Variants in CACNA2D3 observed in about 807,000 individuals in gnomAD.
CACNA2D3 encodes the protein calcium voltage-gated channel auxiliary subunit alpha2delta 3.
A neutral mutation model predicts 160.6 loss-of-function variants in CACNA2D3; 60 were observed. The observed-to-expected ratio is 0.37, with a 90% CI of 0.30 to 0.46. The LOEUF (loss-of-function observed/expected upper bound fraction) is 0.46. Among genes scored for constraint, CACNA2D3 ranks in the 20% least tolerant of loss-of-function variants. The pLI is 1.00. For missense variants in CACNA2D3, 1,205 were observed against 1,365.0 expected (o/e 0.88, Z 1.85); for synonymous variants, 558 against 492.9 (o/e 1.13, Z -1.75).
chr3:54,607,155 C>G (rs950348667), intron 9 of CACNA2D3, among the ~76,000 whole-genome samples: 2 of 152,116 alleles, frequency 1.3e-5, no homozygotes, highest in African/African-American at 4.8e-5. Flanking sequence ...AAGGGAGCCC[C>G]TGGGCAGAGG....
intron 13 of CACNA2D3, among the ~76,000 whole-genome samples, chr3:54,812,659 C>T (rs192886702): frequency 5.5e-4 from 83 of 152,258 alleles, no homozygotes; most frequent in Middle Eastern, 3.4e-3. Context: ...GATGGAATGG[C>T]CCATGAGGTC....
chr3:54,512,580 T>C (rs1235954114), intron 5 of CACNA2D3, among the ~76,000 whole-genome samples: 1 of 152,122 alleles, frequency 6.6e-6, no homozygotes, highest in Non-Finnish European at 1.5e-5. Context: ...AGAAATTCAG[T>C]GAAGGGAGGA....
chr3:54,497,864 C>G (rs1701226751), intron 4 of CACNA2D3, among the ~76,000 whole-genome samples: 1 of 151,686 alleles, frequency 6.6e-6, no homozygotes, highest in Non-Finnish European at 1.5e-5. Context: ...TTATGATTTT[C>G]CTTCTTTGTT....
In CACNA2D3 at chr3:54,328,164, T is replaced by C. The variant is rs540185130; in HGVS notation, c.321+7606T>C. On this transcript the variant is annotated intron_variant, in intron 3 of 37. Coordinates refer to ENST00000474759, the MANE Select transcript of CACNA2D3 (RefSeq NM_018398.3). ...CTACAGACAATGCTATGCCTGCCTA[T>C]GTTCCCACCTGTGTGGTTGGAGGGG... Among the ~76,000 whole-genome samples, 12 of 152,390 alleles carry C rather than the reference T, an allele frequency of 7.9e-5. No homozygotes were observed. The South Asian group carries it at 2.5e-3, about 32-fold the overall frequency.
chr3:54,449,860 C>T (rs1474205420), intron 4 of CACNA2D3, among the ~76,000 whole-genome samples: 1 of 152,092 alleles, frequency 6.6e-6, no homozygotes. Flanking sequence ...ATAACTTACC[C>T]AGTGTCAGGT....
chr3:54,841,707 C>T (rs1168218929), intron 16 of CACNA2D3, among the ~76,000 whole-genome samples: 5 of 152,328 alleles, frequency 3.3e-5, no homozygotes, highest in Middle Eastern at 3.4e-3. Context: ...ATCAGACTTC[C>T]TGTAATTTTT....
At chr3:55,073,933 T>TACAGCTGAAAA in intron 37 of CACNA2D3, 74 bp downstream of exon 37, 1 of 1,301,342 alleles carries the variant, frequency 7.7e-7, no homozygotes, top group Non-Finnish European at 1.1e-6. Context: ...GTCAAAGAAC[T>TACAGCTGAAAA]ACAGCTGAAA....
intron 35 of CACNA2D3, among the ~76,000 whole-genome samples, chr3:55,052,621 T>A (rs531176555): frequency 2.1e-4 from 32 of 152,326 alleles, no homozygotes; most frequent in African/African-American, 7.5e-4. Flanking sequence ...TGTTTATTTC[T>A]CTTTCAATGT....
At chr3:54,503,115 A>G (rs1701319013) in intron 4 of CACNA2D3, among the ~76,000 whole-genome samples, 1 of 152,146 alleles carries the variant, frequency 6.6e-6, no homozygotes, top group Non-Finnish European at 1.5e-5. Flanking sequence ...TCTGACGTAT[A>G]TTTGCCTGTT....
At chr3:54,419,725 C>T (rs1575445101) in intron 4 of CACNA2D3, among the ~76,000 whole-genome samples, 1 of 152,270 alleles carries the variant, frequency 6.6e-6, no homozygotes, top group East Asian at 1.9e-4. Flanking sequence ...CATATCTTAG[C>T]ACTTACAGAT....
intron 2 of CACNA2D3, among the ~76,000 whole-genome samples, chr3:54,290,723 G>A (rs1419554437): frequency 2.0e-5 from 3 of 151,878 alleles, no homozygotes; most frequent in Non-Finnish European, 4.4e-5. Flanking sequence ...GGAATACTAT[G>A]CAGCCATAAA....
intron 9 of CACNA2D3, among the ~76,000 whole-genome samples, chr3:54,618,027 GCCATAAGGGATTGTAAGCCACAGGTGC>G (rs563185034): frequency 1.4e-3 from 210 of 151,476 alleles, no homozygotes; most frequent in African/African-American, 4.9e-3. Flanking sequence ...AAAATACAGT[GCCATAAGGGATTGTAAGCCACAGGTGC>G]CCTACTAATA....
intron 4 of CACNA2D3, among the ~76,000 whole-genome samples, chr3:54,495,920 G>A (rs1478705644): frequency 6.6e-6 from 1 of 152,162 alleles, no homozygotes; most frequent in Admixed American, 6.5e-5. Context: ...TCATGCATAT[G>A]TACTCTTTTG....
At chr3:54,288,122 A>G (rs1038681202) in intron 2 of CACNA2D3, among the ~76,000 whole-genome samples, 12 of 152,212 alleles carry the variant, frequency 7.9e-5, no homozygotes, top group African/African-American at 2.6e-4. Flanking sequence ...CAAAAAATTA[A>G]TGAATCCAGG....
rs552531523 is a variant in CACNA2D3, at chr3:54,886,006, C to T, written c.2056+420C>T. ...CAAGAGTAGGGTCACGACGGGGACA[C>T]GTAGCCTCTCAGTGTGGTACATGCT... is the stretch of plus-strand genomic sequence containing the variant. On this transcript the variant is annotated intron_variant, in intron 23 of 37. Transcript: ENST00000474759. Among the ~76,000 whole-genome samples the T allele has an allele frequency of 1.4e-4, 21 of 152,298 alleles. No homozygotes were observed. The South Asian group carries it at 3.3e-3, about 24-fold the overall frequency.
chr3:54,996,658 T>C (rs1702864784), intron 31 of CACNA2D3, among the ~76,000 whole-genome samples: 1 of 152,160 alleles, frequency 6.6e-6, no homozygotes, highest in Non-Finnish European at 1.5e-5. Context: ...TGTTTATCCT[T>C]GAGGTTTGCA....
At chr3:54,251,618 A>G (rs1365988564) in intron 2 of CACNA2D3, among the ~76,000 whole-genome samples, 1 of 152,228 alleles carries the variant, frequency 6.6e-6, no homozygotes, top group Admixed American at 6.5e-5. Flanking sequence ...CTTCTCCTCT[A>G]TACCAATTCC....
chr3:54,149,267 GCACA>G lies in CACNA2D3; in HGVS notation c.204+25702_204+25705del, dbSNP rs3060363. Among the ~76,000 whole-genome samples the G allele has an allele frequency of 6.9e-4, 99 of 144,424 alleles. 2 individuals carry two copies. The South Asian group carries it at 0.011, about 16-fold the overall frequency. The allele number at this position is 144,424 out of a possible 152,430, so 94.7% of individuals were successfully genotyped here. On this transcript the variant is annotated intron_variant, in intron 2 of 37. Transcript: ENST00000474759. ...ATCACTACAGCAAGGGGTCCCATGT[GCACA>G]CACACACACACACACACACACACAC...
chr3:54,250,686 G>A (rs887705022), intron 2 of CACNA2D3, among the ~76,000 whole-genome samples: 5 of 152,008 alleles, frequency 3.3e-5, no homozygotes, highest in Non-Finnish European at 7.4e-5. Flanking sequence ...TCTTCCCTCC[G>A]TCATCGCCCA....
Sources: gnomAD v4.1 joint callset for allele counts (sites outside exome capture counted in the v4.1 genomes callset) on GRCh38, gnomAD v4.1.1 for gene constraint, MANE v1.5 for transcripts, NCBI Gene and HGNC (gene_info 2026-07-23, HGNC 2026-07-21) for gene names.